Variants in SLC44A1 observed in about 807,000 individuals in gnomAD.
SLC44A1 encodes the protein solute carrier family 44 member 1.
A neutral mutation model predicts 79.3 loss-of-function variants in SLC44A1; 26 were observed. The ratio of observed to expected loss-of-function variants is 0.33; its 90% CI spans 0.24 to 0.46. SLC44A1 has a LOEUF of 0.46. Ranked by LOEUF, SLC44A1 falls within the 20% of genes least tolerant of loss-of-function variation. SLC44A1 has a pLI of 1.00. For synonymous variants in SLC44A1, 263 were observed against 286.2 expected (o/e 0.92, Z 0.82); for missense variants, 688 against 798.1 (o/e 0.86, Z 1.66).
intron 3 of SLC44A1, among the ~76,000 whole-genome samples, chr9:105,312,704 AT>A (rs979441623): frequency 3.3e-5 from 5 of 152,148 alleles, no homozygotes; most frequent in African/African-American, 9.7e-5. Flanking sequence ...TTATTTACTA[AT>A]TTTTTAAGCC....
intron 15 of SLC44A1, among the ~76,000 whole-genome samples, chr9:105,431,080 G>C (rs1354639268): frequency 2.0e-5 from 3 of 152,140 alleles, no homozygotes; most frequent in Middle Eastern, 6.8e-3. Context: ...TCTTTTCCTT[G>C]GTTGCTTGTT....
chr9:105,404,303 C>A (rs533935350), intron 15 of SLC44A1, among the ~76,000 whole-genome samples: 50 of 147,960 alleles, frequency 3.4e-4, no homozygotes, highest in Non-Finnish European at 6.7e-4. Flanking sequence ...GGGATAGAAT[C>A]ATCAAAAACG....
chr9:105,434,917 G>A (rs1829444248), intron 15 of SLC44A1, among the ~76,000 whole-genome samples: 1 of 152,188 alleles, frequency 6.6e-6, no homozygotes, highest in Admixed American at 6.5e-5. Context: ...TGCCAAGATA[G>A]GCGGATTGCT....
chr9:105,368,919 T>C (rs2131427395), intron 12 of SLC44A1, among the ~76,000 whole-genome samples: 1 of 152,240 alleles, frequency 6.6e-6, no homozygotes. Context: ...GTGCCTGTAG[T>C]CCCAGCTACT....
chr9:105,294,087 T>C (rs1830663670), intron 1 of SLC44A1, among the ~76,000 whole-genome samples: 1 of 152,230 alleles, frequency 6.6e-6, no homozygotes, highest in Non-Finnish European at 1.5e-5. Context: ...TCTTGAATTC[T>C]CCAGTAGTAG....
intron 11 of SLC44A1, 98 bp downstream of exon 11, chr9:105,365,737 G>T: frequency 8.0e-7 from 1 of 1,250,004 alleles, no homozygotes; most frequent in African/African-American, 1.5e-5. Context: ...ACAAAGTTGT[G>T]TTTTCTTCAA....
At chr9:105,293,648 A>G (rs1435406793) in intron 1 of SLC44A1, among the ~76,000 whole-genome samples, 2 of 152,124 alleles carry the variant, frequency 1.3e-5, no homozygotes, top group African/African-American at 4.8e-5. Flanking sequence ...ATCACTGTTG[A>G]TCCCTCCAGT....
At chr9:105,310,976 A>G (rs887935078) in intron 3 of SLC44A1, among the ~76,000 whole-genome samples, 2 of 152,192 alleles carry the variant, frequency 1.3e-5, no homozygotes, top group Non-Finnish European at 2.9e-5. Flanking sequence ...AGATTGAAGT[A>G]ATTTTCCCAA....
intron 1 of SLC44A1, among the ~76,000 whole-genome samples, chr9:105,261,265 T>C (rs1250603036): frequency 1.3e-5 from 2 of 152,194 alleles, no homozygotes; most frequent in Admixed American, 6.5e-5. Context: ...TAATCAGCAC[T>C]GGACGATAGA....
chr9:105,373,653 A>G (rs1474518790), intron 12 of SLC44A1, among the ~76,000 whole-genome samples: 1 of 152,166 alleles, frequency 6.6e-6, no homozygotes, highest in Admixed American at 6.5e-5. Context: ...GCAAGTTCCC[A>G]ATGTCCCAAC....
At chr9:105,338,193 G>A (rs1476593555) in intron 4 of SLC44A1, among the ~76,000 whole-genome samples, 2 of 152,246 alleles carry the variant, frequency 1.3e-5, no homozygotes. Flanking sequence ...CAGAGAGAGA[G>A]CCTTTTGTAT....
At chr9:105,383,606 A>T (rs936431124) in intron 14 of SLC44A1, among the ~76,000 whole-genome samples, 1 of 152,166 alleles carries the variant, frequency 6.6e-6, no homozygotes, top group African/African-American at 2.4e-5. Flanking sequence ...AGTTCACCCT[A>T]TTCTTGCTGC....
At chr9:105,366,824 C>T (rs1827956182) in intron 12 of SLC44A1, among the ~76,000 whole-genome samples, 1 of 151,918 alleles carries the variant, frequency 6.6e-6, no homozygotes, top group African/African-American at 2.4e-5. Flanking sequence ...CTATGATTAC[C>T]CTTTCATTTT....
chr9:105,356,999 G>T (rs993627025), intron 6 of SLC44A1, among the ~76,000 whole-genome samples: 1 of 152,106 alleles, frequency 6.6e-6, no homozygotes, highest in Admixed American at 6.5e-5. Flanking sequence ...GGCCTTCTTA[G>T]TTGGGAGAAG....
chr9:105,423,558 T>C, intron 15 of SLC44A1, among the ~76,000 whole-genome samples: 1 of 152,234 alleles, frequency 6.6e-6, no homozygotes. Flanking sequence ...AAGATTTTGC[T>C]GCAAATCAGA....
chr9:105,418,314 C>CAAAAAAA (rs10617928), intron 15 of SLC44A1, among the ~76,000 whole-genome samples: 7 of 57,926 alleles, frequency 1.2e-4, no homozygotes, highest in Admixed American at 2.0e-4. Context: ...AACTCCGTCT[C>CAAAAAAA]AAAAAAAAAA....
At chr9:105,423,597 G>T (rs1275222619) in intron 15 of SLC44A1, among the ~76,000 whole-genome samples, 1 of 152,190 alleles carries the variant, frequency 6.6e-6, no homozygotes, top group Non-Finnish European at 1.5e-5. Flanking sequence ...AAATATTGCA[G>T]CCAACCTGAA....
At chr9:105,405,132 C>G (rs944507096) in intron 15 of SLC44A1, among the ~76,000 whole-genome samples, 4 of 152,008 alleles carry the variant, frequency 2.6e-5, no homozygotes, top group African/African-American at 9.7e-5. Flanking sequence ...CCAGCCTGGG[C>G]AACATGGTGA....
intron 15 of SLC44A1, chr9:105,386,446 C>A: frequency 1.0e-6 from 1 of 983,978 alleles, no homozygotes; most frequent in Non-Finnish European, 1.2e-6. Context: ...ACTTTCCTTT[C>A]TGTCTTCTTT....
Sources: allele counts gnomAD v4.1 joint callset (sites outside exome capture counted in the v4.1 genomes callset), GRCh38; gene constraint gnomAD v4.1.1; transcripts MANE v1.5; gene names NCBI Gene and HGNC (gene_info 2026-07-23, HGNC 2026-07-21).